Variants in MYZAP observed in about 807,000 individuals in gnomAD.
The protein encoded by MYZAP is myocardial zonula adherens protein.
Under a neutral mutation model 69.4 loss-of-function variants are expected in MYZAP, and 66 were observed. The observed-to-expected ratio is 0.95, with a 90% CI of 0.78 to 1.17. The LOEUF (loss-of-function observed/expected upper bound fraction) is 1.17, where lower values mean the gene tolerates loss of function less well. Among genes scored for constraint, MYZAP ranks in the 50% most tolerant of loss-of-function variants. The pLI is 0.00. For missense variants in MYZAP, 611 were observed against 556.2 expected (o/e 1.10, Z -0.99); for synonymous variants, 256 against 205.9 (o/e 1.24, Z -2.09).
rs561065983 is a variant in MYZAP at position 57,655,156 on chromosome 15, C to T, written c.1120-6294C>T. ...AAGGCAGCCTGGAGGACTTGGAAAGCGCTGGCCTAGGTGACTGTGGGTAGA... is the reference window on the plus strand; with the variant it reads ...AAGGCAGCCTGGAGGACTTGGAAAGTGCTGGCCTAGGTGACTGTGGGTAGA... On this transcript the variant is annotated intron_variant, in intron 10 of 12. Coordinates refer to ENST00000267853, the MANE Select transcript of MYZAP (RefSeq NM_001018100.5). Among the ~76,000 whole-genome samples the T allele has an allele frequency of 1.4e-3, 206 of 152,154 alleles. 1 individual carries two copies. The highest frequency in any genetic ancestry group is 4.9e-3 in the African/African-American group (202 of 41,544).
At chr15:57,634,967 A>G (rs558120775) in intron 8 of MYZAP, among the ~76,000 whole-genome samples, 1 of 152,242 alleles carries the variant, frequency 6.6e-6, no homozygotes, top group South Asian at 2.1e-4. Flanking sequence ...ACAGCAGAAG[A>G]TCCCAGTTAA....
intron 10 of MYZAP, among the ~76,000 whole-genome samples, chr15:57,661,243 C>T (rs890098488): frequency 4.6e-5 from 7 of 152,116 alleles, no homozygotes; most frequent in Admixed American, 1.3e-4. Flanking sequence ...TGTCTTGGAG[C>T]GTCTCGCGTT....
chr15:57,602,630 T>G (rs1301024939), intron 1 of MYZAP, among the ~76,000 whole-genome samples: 1 of 152,160 alleles, frequency 6.6e-6, no homozygotes, highest in African/African-American at 2.4e-5. Context: ...CCAACAGCAC[T>G]CCCGCGAACT....
chr15:57,674,911 A>G (rs1238702109), intron 11 of MYZAP, 57 bp from the exon 12 acceptor site: 14 of 1,450,242 alleles, frequency 9.7e-6, no homozygotes, highest in East Asian at 4.6e-5. Context: ...TGTATCATGC[A>G]TATTTGAGGG....
intron 3 of MYZAP, among the ~76,000 whole-genome samples, chr15:57,620,066 C>G (rs2140391164): frequency 6.6e-6 from 1 of 152,318 alleles, no homozygotes; most frequent in South Asian, 2.1e-4. Flanking sequence ...CCACTCACCA[C>G]TGGGAGCAGC....
rs1290829394 is a variant in MYZAP at position 57,629,827 on chromosome 15, A to C, written c.651A>C (p.Gln217His). 1 of 1,613,776 alleles carries C rather than the reference A, an allele frequency of 6.2e-7. No individual in the cohort carries two copies. Reference sequence around the variant, plus strand: ...AGCAGAGGCAGTTGGAGGTAGCGCAAGTTGAAAACCAGCTGCTAAAAATGA... The same window carrying C: ...AGCAGAGGCAGTTGGAGGTAGCGCACGTTGAAAACCAGCTGCTAAAAATGA... ...REKQRQLEVAQVENQLLKMKV... is the reference protein window; with the variant it reads ...REKQRQLEVAHVENQLLKMKV... The change falls in exon 6 of 13, where the codon CAA becomes CAC. Residue 217 changes from glutamine to histidine, a missense_variant. Physicochemically the swap from Gln to His is conservative, Grantham distance 24. Coordinates refer to ENST00000267853, the MANE Select transcript of MYZAP (RefSeq NM_001018100.5).
intron 10 of MYZAP, among the ~76,000 whole-genome samples, chr15:57,651,834 C>T (rs1204940101): frequency 6.6e-6 from 1 of 152,174 alleles, no homozygotes; most frequent in Non-Finnish European, 1.5e-5. Flanking sequence ...GTTTAACCGT[C>T]CTTCCCTGAC....
intron 1 of MYZAP, among the ~76,000 whole-genome samples, chr15:57,598,687 A>G (rs1229254916): frequency 5.3e-5 from 8 of 152,224 alleles, no homozygotes; most frequent in African/African-American, 1.7e-4. Flanking sequence ...GACTAGAGCC[A>G]GTGCTTCTCT....
At chr15:57,679,848 C>A (rs538501171) in intron 12 of MYZAP, among the ~76,000 whole-genome samples, 1 of 152,204 alleles carries the variant, frequency 6.6e-6, no homozygotes, top group African/African-American at 2.4e-5. Flanking sequence ...TGGGCACACT[C>A]CCAGCTGGTG....
chr15:57,643,342 AGTCT>A (rs2037269674), intron 10 of MYZAP, among the ~76,000 whole-genome samples: 1 of 152,168 alleles, frequency 6.6e-6, no homozygotes, highest in African/African-American at 2.4e-5. Context: ...GTTCCAGGGT[AGTCT>A]TGCCTTTGGG....
intron 3 of MYZAP, 76 bp from the exon 4 acceptor site, chr15:57,621,532 G>T (rs2035818048): frequency 6.5e-7 from 1 of 1,545,722 alleles, no homozygotes. Flanking sequence ...TTTCTTTAGA[G>T]TTTCTTAAAA....
chr15:57,599,842 T>G (rs1349838858), intron 1 of MYZAP: 1 of 552,048 alleles, frequency 1.8e-6, no homozygotes, highest in Non-Finnish European at 3.1e-6. Flanking sequence ...GTGCTTCTGT[T>G]AGGGATTCAG....
intron 2 of MYZAP, among the ~76,000 whole-genome samples, chr15:57,608,238 A>G (rs1007824868): frequency 6.6e-6 from 1 of 152,088 alleles, no homozygotes; most frequent in South Asian, 2.1e-4. Flanking sequence ...TATTGCGGGG[A>G]TGCCACGATG....
intron 11 of MYZAP, among the ~76,000 whole-genome samples, chr15:57,665,665 AG>A (rs1461814637): frequency 6.6e-6 from 1 of 152,128 alleles, no homozygotes; most frequent in African/African-American, 2.4e-5. Flanking sequence ...ACTGTGCTGG[AG>A]CTGCTTCATA....
chr15:57,675,984 C>T (rs1242273475), intron 12 of MYZAP, among the ~76,000 whole-genome samples: 4 of 152,102 alleles, frequency 2.6e-5, no homozygotes, highest in Non-Finnish European at 2.9e-5. Flanking sequence ...AATGTCGAAT[C>T]CTGGAATCTT....
At position 57,684,777 on chromosome 15, in the gene MYZAP, G is replaced by T; in HGVS notation, c.*279G>T. 1 of 261,130 alleles carries T rather than the reference G, an allele frequency of 3.8e-6. No homozygotes were observed. Among genetic ancestry groups the T allele is most frequent in the Non-Finnish European group, 7.2e-6 (1 of 139,450 alleles). 16.2% of individuals were successfully genotyped at this position (261,130 alleles called of 1,614,324 possible). A position where few individuals can be genotyped will look rare whatever the true frequency, so the allele number is the denominator to read the frequency against. On this transcript the variant is annotated 3_prime_UTR_variant, in exon 13 of 13. Transcript: ENST00000267853. ...CTTTGTAGACACTGAAATCCTATCA[G>T]GAGGATTCCTTCACAATGTATTTTA...
intron 10 of MYZAP, among the ~76,000 whole-genome samples, chr15:57,640,701 T>C (rs1167320283): frequency 6.6e-6 from 1 of 152,222 alleles, no homozygotes; most frequent in African/African-American, 2.4e-5. Context: ...TTTTATTGTG[T>C]GTAGGATAAA....
rs1391670684 is a variant in MYZAP at position 57,594,612 on chromosome 15, C to T, written c.75+2503C>T. On this transcript the variant is annotated intron_variant, in intron 1 of 12. Coordinates refer to ENST00000267853, the MANE Select transcript of MYZAP (RefSeq NM_001018100.5). ...GTTGGAATGGTAGGCTATCTCATAT[C>T]GCCTAGGTGTGTGGTAGGCTATACC... Among the ~76,000 whole-genome samples the T allele has an allele frequency of 2.6e-5, 4 of 152,148 alleles. No homozygotes were observed. In the South Asian group the frequency reaches 6.2e-4, roughly 24 times the overall value.
chr15:57,625,723 A>G (rs117558049), intron 4 of MYZAP, 56 bp from the exon 5 acceptor site: 19,488 of 1,527,900 alleles, frequency 0.013, 248 homozygotes, highest in South Asian at 0.044. Context: ...CTAACTGAAG[A>G]TTGTCGTGAA....
Sources: allele counts gnomAD v4.1 joint callset (sites outside exome capture counted in the v4.1 genomes callset), GRCh38; gene constraint gnomAD v4.1.1; transcripts MANE v1.5; gene names NCBI Gene and HGNC (gene_info 2026-07-23, HGNC 2026-07-21).